SNX29: variants seen among roughly 807,000 people sequenced by gnomAD.
SNX29 encodes the protein sorting nexin 29.
Under a neutral mutation model 102.1 loss-of-function variants are expected in SNX29, and 78 were observed. The ratio of observed to expected loss-of-function variants is 0.76; its 90% CI spans 0.64 to 0.92. The LOEUF is 0.92. Ranked by LOEUF, SNX29 falls within the 40% of genes least tolerant of loss-of-function variation. SNX29 has a pLI of 0.00. For synonymous variants in SNX29, 580 were observed against 414.5 expected (o/e 1.40, Z -4.85); for missense variants, 1,280 against 1,061.7 (o/e 1.21, Z -2.86).
chr16:12,307,269 C>A (rs2080366799), intron 15 of SNX29, among the ~76,000 whole-genome samples: 1 of 152,166 alleles, frequency 6.6e-6, no homozygotes, highest in Non-Finnish European at 1.5e-5. Context: ...TGCATATGAT[C>A]ACGAGGATGA....
intron 14 of SNX29, among the ~76,000 whole-genome samples, chr16:12,269,104 T>C (rs993921111): frequency 6.6e-6 from 1 of 152,256 alleles, no homozygotes; most frequent in African/African-American, 2.4e-5. Flanking sequence ...ACAGTCTCCC[T>C]GTCTATTTGA....
chr16:12,430,990 T>G (rs950830401), intron 18 of SNX29, among the ~76,000 whole-genome samples: 20 of 151,944 alleles, frequency 1.3e-4, no homozygotes, highest in Non-Finnish European at 2.4e-4. Flanking sequence ...GTAGCAGGGA[T>G]TAGAGGCACC....
chr16:12,313,728 G>A (rs370012191), intron 15 of SNX29, among the ~76,000 whole-genome samples: 18 of 152,338 alleles, frequency 1.2e-4, no homozygotes, highest in African/African-American at 4.3e-4. Context: ...CTCACCCCAT[G>A]CCGGGTATGG....
At chr16:12,123,197 G>T (rs916260339) in intron 11 of SNX29, among the ~76,000 whole-genome samples, 1 of 152,132 alleles carries the variant, frequency 6.6e-6, no homozygotes, top group Non-Finnish European at 1.5e-5. Context: ...ATGATTTGAT[G>T]TATCTCTGTA....
At chr16:12,410,471 G>A (rs888864410) in intron 18 of SNX29, among the ~76,000 whole-genome samples, 1 of 152,106 alleles carries the variant, frequency 6.6e-6, no homozygotes, top group Non-Finnish European at 1.5e-5. Flanking sequence ...GTTGGAGACA[G>A]GGTCTCGCTT....
At chr16:12,507,856 C>CT (rs1391807459) in intron 19 of SNX29, among the ~76,000 whole-genome samples, 1 of 152,182 alleles carries the variant, frequency 6.6e-6, no homozygotes, top group Non-Finnish European at 1.5e-5. Context: ...CTGCTGTCTC[C>CT]TTTCTCCAGT....
intron 20 of SNX29, among the ~76,000 whole-genome samples, chr16:12,543,411 TGAAAG>T (rs1340739291): frequency 1.3e-5 from 2 of 152,160 alleles, no homozygotes; most frequent in African/African-American, 2.4e-5. Context: ...CCCGATTCAC[TGAAAG>T]GAGAGAAAGT....
Position 12,573,353 on chromosome 16 carries a change from T to C in SNX29, c.*4724T>C, listed in dbSNP as rs977397232. 4 of 225,082 alleles carry C rather than the reference T, an allele frequency of 1.8e-5. No homozygotes were observed. Among genetic ancestry groups the C allele is most frequent in the African/African-American group, 6.7e-5 (3 of 44,936 alleles). The allele number at this position is 225,082 out of a possible 1,614,324, so 13.9% of individuals were successfully genotyped here. On this transcript the variant is annotated 3_prime_UTR_variant, in exon 21 of 21. Coordinates refer to ENST00000566228, the MANE Select transcript of SNX29 (RefSeq NM_032167.5). ...ATGTCATGGAGTAGACAGTTACTTC[T>C]AAATCCCAGCAACCAAGTTGCGTAT... is the stretch of plus-strand genomic sequence containing the variant.
At chr16:12,231,324 C>G (rs1208517268) in intron 14 of SNX29, among the ~76,000 whole-genome samples, 1 of 152,098 alleles carries the variant, frequency 6.6e-6, no homozygotes, top group South Asian at 2.1e-4. Context: ...AAGTATTTTC[C>G]CTCTCTGTAG....
chr16:12,307,063 C>T (rs2080360623), intron 15 of SNX29, among the ~76,000 whole-genome samples: 1 of 151,752 alleles, frequency 6.6e-6, no homozygotes, highest in Non-Finnish European at 1.5e-5. Context: ...AATTGGGCCC[C>T]TCTCCTCTGA....
intron 15 of SNX29, among the ~76,000 whole-genome samples, chr16:12,329,347 CTGTAGGCAAA>C (rs1034850580): frequency 2.0e-5 from 3 of 149,540 alleles, no homozygotes; most frequent in African/African-American, 7.4e-5. Context: ...AGCTTAGCAA[CTGTAGGCAAA>C]GACCTGGGAT....
At chr16:12,504,140 G>A (rs1175102233) in intron 19 of SNX29, among the ~76,000 whole-genome samples, 5 of 151,798 alleles carry the variant, frequency 3.3e-5, no homozygotes, top group East Asian at 1.9e-4. Flanking sequence ...ATTTCCTATC[G>A]ATGGAATAGT....
chr16:12,161,586 C>G (rs1002473545), intron 13 of SNX29, among the ~76,000 whole-genome samples: 1 of 152,098 alleles, frequency 6.6e-6, no homozygotes, highest in African/African-American at 2.4e-5. Flanking sequence ...CCAAATCTTA[C>G]GTTAAAATGT....
chr16:12,506,510 G>A (rs1179078464), intron 19 of SNX29, among the ~76,000 whole-genome samples: 4 of 152,194 alleles, frequency 2.6e-5, no homozygotes, highest in Non-Finnish European at 5.9e-5. Flanking sequence ...TATAAATTGT[G>A]AGCACCAAAG....
intron 15 of SNX29, among the ~76,000 whole-genome samples, chr16:12,295,700 C>T (rs1240664888): frequency 6.6e-6 from 1 of 152,168 alleles, no homozygotes; most frequent in Non-Finnish European, 1.5e-5. Flanking sequence ...TTCTCTGGGT[C>T]ACACAGGCAA....
At chr16:12,546,994 A>G (rs1034834546) in intron 20 of SNX29, among the ~76,000 whole-genome samples, 3 of 152,160 alleles carry the variant, frequency 2.0e-5, no homozygotes, top group African/African-American at 7.2e-5. Flanking sequence ...CTTACAGTGC[A>G]CCATTTCAGA....
chr16:12,185,774 AT>A (rs2076495517), intron 13 of SNX29, among the ~76,000 whole-genome samples: 1 of 152,256 alleles, frequency 6.6e-6, no homozygotes, highest in Non-Finnish European at 1.5e-5. Context: ...TCCAGCTGTT[AT>A]CAGCAACAAC....
At chr16:12,196,590 A>G (rs2076778755) in intron 13 of SNX29, among the ~76,000 whole-genome samples, 1 of 151,548 alleles carries the variant, frequency 6.6e-6, no homozygotes, top group African/African-American at 2.4e-5. Flanking sequence ...CCACATTGGC[A>G]ACACTTTTTT....
intron 19 of SNX29, among the ~76,000 whole-genome samples, chr16:12,506,046 C>T (rs1374277786): frequency 2.6e-5 from 4 of 152,124 alleles, no homozygotes; most frequent in East Asian, 3.9e-4. Context: ...CTGCAACCTC[C>T]GCCTCCCAGG....
Sources: allele counts gnomAD v4.1 joint callset (sites outside exome capture counted in the v4.1 genomes callset), GRCh38; gene constraint gnomAD v4.1.1; transcripts MANE v1.5; gene names NCBI Gene and HGNC (gene_info 2026-07-23, HGNC 2026-07-21).